The following GRB2 variants were observed in gnomAD, a reference collection of about 807,000 sequenced individuals.
GRB2 encodes the protein growth factor receptor-bound protein 2.
A neutral mutation model predicts 27.4 loss-of-function variants in GRB2; 2 were observed. The observed-to-expected ratio is 0.07, with a 90% CI of 0.03 to 0.23. GRB2 has a LOEUF of 0.23. Ranked by LOEUF, GRB2 falls within the 10% of genes least tolerant of loss-of-function variation. GRB2 has a pLI of 1.00. For missense variants in GRB2, 102 were observed against 282.4 expected (o/e 0.36, Z 4.58); for synonymous variants, 94 against 99.6 (o/e 0.94, Z 0.33).
At chr17:75,338,701 A>G in intron 2 of GRB2, 1 of 454,722 alleles carries the variant, frequency 2.2e-6, no homozygotes, top group South Asian at 2.3e-5. Context: ...TTTTTTTGCA[A>G]AGAGACTGAA....
intron 1 of GRB2, among the ~76,000 whole-genome samples, chr17:75,397,592 A>G (rs2079036240): frequency 6.6e-6 from 1 of 152,190 alleles, no homozygotes; most frequent in Non-Finnish European, 1.5e-5. Context: ...AAAATACATG[A>G]CAACAGTCCA....
At chr17:75,384,720 G>A (rs916377011) in intron 2 of GRB2, among the ~76,000 whole-genome samples, 7 of 151,816 alleles carry the variant, frequency 4.6e-5, no homozygotes, top group Admixed American at 1.3e-4. Flanking sequence ...GATACATATG[G>A]TAACTAATTC....
intron 2 of GRB2, among the ~76,000 whole-genome samples, chr17:75,386,790 C>G (rs189797418): frequency 5.9e-5 from 9 of 152,296 alleles, no homozygotes; most frequent in Admixed American, 2.6e-4. Flanking sequence ...GACCTAAGAT[C>G]AAACTTCACC....
Position 75,388,322 on chromosome 17 carries a change from C to CG in GRB2, c.78+5228dup, listed in dbSNP as rs570006431. On this transcript the variant is annotated intron_variant, in intron 2 of 5. Coordinates refer to ENST00000316804, the MANE Select transcript of GRB2 (RefSeq NM_002086.5). The stretch of plus-strand genomic sequence containing the variant: ...TTCACCATGTTGGCCAGGCTGGTCT[C>CG]GAACTCCTGACCTCAAATGATCCAT... Among the ~76,000 whole-genome samples the CG allele has an allele frequency of 3.3e-3, 496 of 152,088 alleles. 1 individual carries two copies. Among genetic ancestry groups the CG allele is most frequent in the African/African-American group, 0.011 (462 of 41,494 alleles).
intron 2 of GRB2, among the ~76,000 whole-genome samples, chr17:75,348,724 G>C (rs951721903): frequency 6.6e-6 from 1 of 152,160 alleles, no homozygotes; most frequent in Non-Finnish European, 1.5e-5. Flanking sequence ...ACCCAGGCTA[G>C]ACAATGCAGT....
intron 2 of GRB2, among the ~76,000 whole-genome samples, chr17:75,386,987 A>AAGACAGTGAAACCCCGTCTCT: frequency 6.6e-6 from 1 of 151,478 alleles, no homozygotes; most frequent in Admixed American, 6.6e-5. Context: ...CATCCTGGCT[A>AAGACAGTGAAACCCCGTCTCT]ACTAAAAACA....
rs1025637501 is a variant in GRB2 at position 75,320,013 on chromosome 17, G to C, written c.*355C>G. On this transcript the variant is annotated 3_prime_UTR_variant, in exon 6 of 6. Coordinates refer to ENST00000316804, the MANE Select transcript of GRB2 (RefSeq NM_002086.5). The surrounding 1 kb of genome is among the most constrained non-coding windows in gnomAD (Gnocchi z 4.3). ...GCATAGAGAGAATACCAGCCCACTT[G>C]GTTTCTTGTTTTTTATTATTGGCGT... 15 of 180,392 alleles carry C rather than the reference G, an allele frequency of 8.3e-5. No individual in the cohort carries two copies. Among genetic ancestry groups the C allele is most frequent in the Non-Finnish European group, 3.6e-5 (3 of 83,914 alleles). The allele number at this position is 180,392 out of a possible 1,614,324, so 11.2% of individuals were successfully genotyped here. A position where few individuals can be genotyped will look rare whatever the true frequency, so the allele number is the denominator to read the frequency against.
chr17:75,401,509 G>C (rs1488105313), intron 1 of GRB2, among the ~76,000 whole-genome samples: 1 of 147,158 alleles, frequency 6.8e-6, no homozygotes, highest in African/African-American at 2.5e-5. Context: ...CGAGATCACA[G>C]AACACTTTTA....
intron 2 of GRB2, among the ~76,000 whole-genome samples, chr17:75,355,691 G>A (rs1386590054): frequency 1.3e-5 from 2 of 151,612 alleles, no homozygotes; most frequent in African/African-American, 4.8e-5. Context: ...AAGCCATCCT[G>A]GGCCACATGT....
intron 2 of GRB2, among the ~76,000 whole-genome samples, chr17:75,336,084 A>C (rs1172861313): frequency 6.6e-6 from 1 of 152,200 alleles, no homozygotes; most frequent in African/African-American, 2.4e-5. Flanking sequence ...CTACTTTAAA[A>C]GTTATTTAAG....
At position 75,320,299 on chromosome 17, in the gene GRB2, C is replaced by G; in HGVS notation, c.*69G>C. 1 of 1,367,510 alleles carries G rather than the reference C, an allele frequency of 7.3e-7. No individual in the cohort carries two copies. Among genetic ancestry groups the G allele is most frequent in the Non-Finnish European group, 1.0e-6 (1 of 960,872 alleles). The allele number at this position is 1,367,510 out of a possible 1,614,324, so 84.7% of individuals were successfully genotyped here. On this transcript the variant is annotated 3_prime_UTR_variant, in exon 6 of 6. Transcript: ENST00000316804. This position sits in a 1 kb window ranked among gnomAD's most constrained non-coding sequence, Gnocchi z 4.3. The stretch of plus-strand genomic sequence containing the variant: ...CCTCACAGGCTGCTGTCAGAGGCAG[C>G]TTGTGGGTTTAATTCTTTTGTATGT...
chr17:75,334,648 A>C (rs1351952349), intron 2 of GRB2, among the ~76,000 whole-genome samples: 1 of 152,122 alleles, frequency 6.6e-6, no homozygotes, highest in Admixed American at 6.6e-5. Flanking sequence ...AAAATAGAAA[A>C]GTTTTAACAG....
chr17:75,329,591 C>G (rs1248399344), intron 3 of GRB2, among the ~76,000 whole-genome samples: 1 of 152,120 alleles, frequency 6.6e-6, no homozygotes, highest in Non-Finnish European at 1.5e-5. Context: ...GCACCCAGAT[C>G]AAGAAATAAA....
rs899071922 is a variant in GRB2, at chr17:75,346,278, G to A, written c.79-13481C>T. Among the ~76,000 whole-genome samples, 66 of 151,466 alleles carry A rather than the reference G, an allele frequency of 4.4e-4. 1 individual carries two copies. The highest frequency in any genetic ancestry group is 2.0e-4 in the East Asian group (1 of 5,102). ...GGATGCCAAGGCAGGCGGATCACTT[G>A]AGGTCAGGAGTTCAAGACCCGCCTG... On this transcript the variant is annotated intron_variant, in intron 2 of 5. Transcript: ENST00000316804.
In GRB2 at chr17:75,320,631, AG is replaced by A; in HGVS notation, c.469-79del. On this transcript the variant is annotated intron_variant, in intron 5 of 5. Coordinates refer to ENST00000316804, the MANE Select transcript of GRB2 (RefSeq NM_002086.5). The surrounding 1 kb of genome is among the most constrained non-coding windows in gnomAD (Gnocchi z 4.3). ...CCACCTCCGAGGCCAGATGGGTTCC[AG>A]GGGGAAACGAATGCGTGCCAAATTC... 2 of 1,089,408 alleles carry A rather than the reference AG, an allele frequency of 1.8e-6. No individual in the cohort carries two copies. The highest frequency in any genetic ancestry group is 2.6e-4 in the Middle Eastern group (1 of 3,784). The allele number at this position is 1,089,408 out of a possible 1,614,324, so 67.5% of individuals were successfully genotyped here. A position where few individuals can be genotyped will look rare whatever the true frequency, so the allele number is the denominator to read the frequency against.
intron 2 of GRB2, chr17:75,338,722 A>G (rs1308420739): frequency 2.0e-6 from 1 of 496,730 alleles, no homozygotes; most frequent in Non-Finnish European, 3.6e-6. Flanking sequence ...AATAATGTTA[A>G]GAGCCCAAAT....
At chr17:75,389,762 G>A (rs554765541) in intron 2 of GRB2, among the ~76,000 whole-genome samples, 3 of 152,040 alleles carry the variant, frequency 2.0e-5, no homozygotes, top group Non-Finnish European at 2.9e-5. Context: ...GGAGAATGGC[G>A]TGAACCCGGG....
chr17:75,392,821 C>G (rs184375632), intron 2 of GRB2, among the ~76,000 whole-genome samples: 2 of 152,144 alleles, frequency 1.3e-5, no homozygotes, highest in African/African-American at 4.8e-5. Flanking sequence ...TGGGGGAGAG[C>G]GAATCCTCAC....
At chr17:75,324,953 G>A (rs544374978) in intron 4 of GRB2, among the ~76,000 whole-genome samples, 11 of 152,244 alleles carry the variant, frequency 7.2e-5, no homozygotes, top group African/African-American at 2.4e-4. Context: ...TCAGGCACCT[G>A]TAATCCCAGG....
Sources: gnomAD v4.1 joint callset for allele counts (sites outside exome capture counted in the v4.1 genomes callset) on GRCh38, gnomAD v4.1.1 for gene constraint, Gnocchi (gnomAD v3.1) non-coding constraint, MANE v1.5 for transcripts, NCBI Gene and HGNC (gene_info 2026-07-23, HGNC 2026-07-21) for gene names.